PODNL1: variants seen among roughly 807,000 people sequenced by gnomAD.
PODNL1 encodes the protein podocan like 1.
In PODNL1, 50 loss-of-function variants were observed where a neutral mutation model predicts 45.1. That is an observed-to-expected ratio of 1.11 (90% confidence interval 0.88 to 1.40). The LOEUF (loss-of-function observed/expected upper bound fraction) is 1.40, where lower values mean the gene tolerates loss of function less well. PODNL1 is among the 40% of genes most tolerant of loss of function. The pLI, the probability that PODNL1 is intolerant of heterozygous loss-of-function variation, is 0.00. For missense variants in PODNL1, 788 were observed against 793.3 expected (o/e 0.99, Z 0.08); for synonymous variants, 406 against 372.5 (o/e 1.09, Z -1.04).
At chr19:13,934,621 A>G (rs541545273) in intron 5 of PODNL1, among the ~76,000 whole-genome samples, 4 of 150,950 alleles carry the variant, frequency 2.6e-5, no homozygotes, top group Admixed American at 6.6e-5. Flanking sequence ...TGTGTGTTGT[A>G]TGAATAGACG....
At chr19:13,942,084 C>T (rs1321724789), upstream of PODNL1, among the ~76,000 whole-genome samples, 1 of 152,088 alleles carries the variant, frequency 6.6e-6, no homozygotes, top group African/African-American at 2.4e-5. Context: ...CAGTCCTAGC[C>T]CCCAGGGAAG....
chr19:13,940,079 C>G (rs890514467), upstream of PODNL1: 1 of 151,902 alleles, frequency 6.6e-6, no homozygotes, highest in Non-Finnish European at 1.5e-5. Context: ...ATGACAAACC[C>G]CCCCCCTCAA....
At chr19:13,943,567 T>C (rs1363836828) in intron 1 of PODNL1, among the ~76,000 whole-genome samples, 3 of 152,124 alleles carry the variant, frequency 2.0e-5, no homozygotes, top group African/African-American at 4.8e-5. Context: ...GTTCAGGCCA[T>C]TCTCCTGCCT....
chr19:13,953,164 G>A, exon 1 of PODNL1: 1 of 1,534,476 alleles, frequency 6.5e-7, no homozygotes, highest in Admixed American at 2.0e-5. Flanking sequence ...CCTGGATAGG[G>A]CTGAGTCTTC....
chr19:13,943,189 A>G (rs757766644), upstream of PODNL1, among the ~76,000 whole-genome samples: 70 of 152,022 alleles, frequency 4.6e-4, no homozygotes, highest in Non-Finnish European at 8.4e-4. Context: ...CCAGCTACTC[A>G]GGAGGCTGAG....
At chr19:13,942,144 G>A (rs1288461881), upstream of PODNL1, among the ~76,000 whole-genome samples, 1 of 152,176 alleles carries the variant, frequency 6.6e-6, no homozygotes, top group African/African-American at 2.4e-5. Flanking sequence ...TCTTTCCATT[G>A]CAAAGGAAGG....
In PODNL1 at chr19:13,933,539, C is replaced by T; in HGVS notation, c.768-84G>A. On this transcript the variant is annotated intron_variant, in intron 7 of 9. Coordinates refer to ENST00000588872, the MANE Select transcript of PODNL1 (RefSeq NM_001370095.3). The surrounding 1 kb of genome is among the most constrained non-coding windows in gnomAD (Gnocchi z 5.2). The stretch of plus-strand genomic sequence containing the variant: ...TTTGGCGGGGAGGCTGGGGAGTGGT[C>T]CTGAGACAGATTTAAGCTGGAGATT... 1 of 1,382,274 alleles carries T rather than the reference C, an allele frequency of 7.2e-7. No individual in the cohort carries two copies. The highest frequency in any genetic ancestry group is 9.7e-7 in the Non-Finnish European group (1 of 1,030,392). 85.6% of individuals were successfully genotyped at this position (1,382,274 alleles called of 1,614,324 possible).
At chr19:13,947,413 G>C (rs541683284) in intron 1 of PODNL1, among the ~76,000 whole-genome samples, 1 of 151,534 alleles carries the variant, frequency 6.6e-6, no homozygotes, top group Non-Finnish European at 1.5e-5. Flanking sequence ...CCCGGGAGAC[G>C]GAGGTTGCAG....
chr19:13,934,291 G>C lies in PODNL1; in HGVS notation c.614C>G (p.Pro205Arg). 6.5e-7 allele frequency: 1 copy of C among 1,536,420 alleles called. No individual in the cohort carries two copies. The highest frequency in any genetic ancestry group is 8.7e-7 in the Non-Finnish European group (1 of 1,143,504). Residue 205 changes from proline (P) to arginine (R), a missense_variant, in exon 6 of 10, where the codon CCC becomes CGC. Physicochemically the swap from Pro to Arg is moderately radical, Grantham distance 103 (BLOSUM62 -2). Around this residue, in one of 3 missense-constraint regions of PODNL1, gnomAD observed 762 missense variants for 750.9 expected, o/e 1.01. Transcript: ENST00000588872. ...CCGCTCGAGTGAGGGCGGCAGGCTG[G>C]GCGGCAGGTAGCTGAGCTGGTTGTT... ...LSNNQLSYLP[P>R]SLPPSLERLH...
upstream of PODNL1, among the ~76,000 whole-genome samples, chr19:13,941,769 C>T (rs1404969866): frequency 1.3e-5 from 2 of 152,054 alleles, no homozygotes; most frequent in African/African-American, 4.8e-5. Context: ...GCCGAGATTG[C>T]ATCACTGCAC....
Position 13,931,635 on chromosome 19 carries a change from C to T in PODNL1, c.*102G>A. 3 of 1,176,082 alleles carry T rather than the reference C, an allele frequency of 2.6e-6. No individual in the cohort carries two copies. The South Asian group carries it at 1.3e-4, about 52-fold the overall frequency. The allele number at this position is 1,176,082 out of a possible 1,614,324, so 72.9% of individuals were successfully genotyped here. A position where few individuals can be genotyped will look rare whatever the true frequency, so the allele number is the denominator to read the frequency against. ...GCAGAGCAGGCCCAGCCCTGGAGGCCCAGGAGAGCCAGACCAAGGGCCCCT... is the reference window on the plus strand; with the variant it reads ...GCAGAGCAGGCCCAGCCCTGGAGGCTCAGGAGAGCCAGACCAAGGGCCCCT... On this transcript the variant is annotated 3_prime_UTR_variant, in exon 10 of 10. Coordinates refer to ENST00000588872, the MANE Select transcript of PODNL1 (RefSeq NM_001370095.3).
At chr19:13,945,201 T>C (rs1245914396) in intron 1 of PODNL1, among the ~76,000 whole-genome samples, 1 of 152,042 alleles carries the variant, frequency 6.6e-6, no homozygotes, top group Admixed American at 6.6e-5. Flanking sequence ...GCCCTGTACA[T>C]CTGTTGAATT....
intron 1 of PODNL1, among the ~76,000 whole-genome samples, chr19:13,947,231 A>G (rs1222289666): frequency 6.9e-6 from 1 of 145,372 alleles, no homozygotes; most frequent in Non-Finnish European, 1.5e-5. Flanking sequence ...CTGTAATCCC[A>G]GCACTTTAGG....
At chr19:13,934,038 C>T (rs755515062) in intron 6 of PODNL1, 45 bp from the exon 7 acceptor site, 48 of 1,525,114 alleles carry the variant, frequency 3.1e-5, no homozygotes, top group Non-Finnish European at 4.0e-5. Context: ...GGGATGAGGG[C>T]AGCGGGAAGC....
At chr19:13,952,546 G>C in intron 1 of PODNL1, 1 of 1,261,990 alleles carries the variant, frequency 7.9e-7, no homozygotes, top group Non-Finnish European at 1.0e-6. Flanking sequence ...GCGGAACAGC[G>C]GGGCTGGGAG....
upstream of PODNL1, among the ~76,000 whole-genome samples, chr19:13,943,037 C>G (rs1344325366): frequency 6.6e-6 from 1 of 151,672 alleles, no homozygotes; most frequent in Non-Finnish European, 1.5e-5. Context: ...GTGTCTCATG[C>G]TGTAATCCCA....
At position 13,932,978 on chromosome 19, in the gene PODNL1, C is replaced by A; in HGVS notation, c.1245G>T (p.Arg415=). The A allele has an allele frequency of 6.4e-7, 1 of 1,552,090 alleles. No homozygotes were observed. ...GGCCAGTGGGCAGGCCCATGGGCAG[C>A]CGGGTTAGCTGATTCCCTGCCAGGT... ...SLDLAGNQLT[R]LPMGLPTGLR... Residue 415 remains arginine, a synonymous_variant, in exon 8 of 10, where the codon CGG becomes CGT. Transcript: ENST00000588872.
chr19:13,931,824 A>G lies in PODNL1; in HGVS notation c.1638T>C (p.Arg546=). ...AEAFLGLPNL[R]VVDTAGNPEQ... Reference sequence around the variant, plus strand: ...CCGGATTCCCTGCCGTGTCCACCACACGCAGGTTTGGGAGCCCCAGGAAGG... The same window carrying G: ...CCGGATTCCCTGCCGTGTCCACCACGCGCAGGTTTGGGAGCCCCAGGAAGG... The change falls in exon 10 of 10, where the codon CGT becomes CGC. Residue 546 remains arginine (R), a synonymous_variant. Coordinates refer to ENST00000588872, the MANE Select transcript of PODNL1 (RefSeq NM_001370095.3). 3.2e-6 allele frequency: 4 copies of G among 1,231,916 alleles called. No individual in the cohort carries two copies. The highest frequency in any genetic ancestry group is 4.0e-6 in the Non-Finnish European group (4 of 987,910). 76.3% of individuals were successfully genotyped at this position (1,231,916 alleles called of 1,614,324 possible).
Position 13,933,415 on chromosome 19 carries a change from G to A in PODNL1, c.808C>T (p.Gln270Ter). 1 of 1,595,418 alleles carries A rather than the reference G, an allele frequency of 6.3e-7. No individual in the cohort carries two copies. Among genetic ancestry groups the A allele is most frequent in the Non-Finnish European group, 8.5e-7 (1 of 1,172,330 alleles). ...SLEYLDLSHNQLTTVPAGLPR... is the reference protein window; with the variant it reads ...SLEYLDLSHN ...AGGCCGGCGGGCACTGTGGTCAGCTGGTTGTGGGAGAGATCCAGGTATTCA... is the reference window on the plus strand; with the variant it reads ...AGGCCGGCGGGCACTGTGGTCAGCTAGTTGTGGGAGAGATCCAGGTATTCA... Residue 270 changes from glutamine to a stop codon, truncating the protein, a stop_gained, in exon 8 of 10, where the codon CAG (glutamine) becomes TAG (stop). Transcript: ENST00000588872. LOFTEE classifies it high-confidence loss of function. The surrounding 1 kb of genome is among the most constrained non-coding windows in gnomAD (Gnocchi z 5.2).
Sources: gnomAD v4.1 joint callset for allele counts (sites outside exome capture counted in the v4.1 genomes callset) on GRCh38, gnomAD v4.1.1 for gene constraint, gnomAD v4.1.1 regional missense constraint, Gnocchi (gnomAD v3.1) non-coding constraint, MANE v1.5 for transcripts, NCBI Gene and HGNC (gene_info 2026-07-23, HGNC 2026-07-21) for gene names.